Variants in TTC3 observed in about 807,000 individuals in gnomAD.
TTC3 encodes the protein E3 ubiquitin-protein ligase TTC3.
In TTC3, 180 loss-of-function variants were observed where a neutral mutation model predicts 249.6. The ratio of observed to expected loss-of-function variants is 0.72; its 90% CI spans 0.64 to 0.82. TTC3 has a LOEUF of 0.82. Ranked by LOEUF, TTC3 falls within the 40% of genes least tolerant of loss-of-function variation. The pLI, the probability that TTC3 is intolerant of heterozygous loss-of-function variation, is 0.00. For missense variants in TTC3, 2,061 were observed against 2,398.4 expected (o/e 0.86, Z 2.94); for synonymous variants, 717 against 805.0 (o/e 0.89, Z 1.85).
At chr21:37,087,356 G>T in exon 2 of TTC3, 1 of 1,613,986 alleles carries the variant, frequency 6.2e-7, no homozygotes, top group South Asian at 1.1e-5. Context: ...CTGAATTTAT[G>T]AGCAATGATT....
At chr21:37,163,856 A>G (rs895869811) in intron 31 of TTC3, among the ~76,000 whole-genome samples, 195 bp from the exon 32 acceptor site, 7 of 152,238 alleles carry the variant, frequency 4.6e-5, no homozygotes, top group Non-Finnish European at 7.3e-5. Context: ...ATTGTCAGAT[A>G]TGATATTTCT....
chr21:37,148,817 A>G (rs889574818), intron 23 of TTC3, among the ~76,000 whole-genome samples, 170 bp downstream of exon 23: 9 of 152,234 alleles, frequency 5.9e-5, no homozygotes, highest in Non-Finnish European at 1.3e-4. Context: ...TCATAAAGGC[A>G]TTAACCATAG....
intron 1 of TTC3, among the ~76,000 whole-genome samples, chr21:37,074,833 A>G (rs1372245373): frequency 1.3e-5 from 2 of 152,084 alleles, no homozygotes; most frequent in African/African-American, 4.8e-5. Context: ...CAATTTTCTT[A>G]TTGTCTAATT....
chr21:37,165,683 T>A, exon 33 of TTC3: 1 of 1,613,986 alleles, frequency 6.2e-7, no homozygotes, highest in South Asian at 1.1e-5. Context: ...ACCTTTTCTC[T>A]TGGGATGCCC....
chr21:37,134,270 C>A (rs1476523160), intron 17 of TTC3, among the ~76,000 whole-genome samples: 1 of 151,962 alleles, frequency 6.6e-6, no homozygotes, highest in African/African-American at 2.4e-5. Context: ...GCCATCATGG[C>A]GAAACCCCAT....
At chr21:37,159,090 C>G (rs540048250) in intron 28 of TTC3, among the ~76,000 whole-genome samples, 5 of 152,314 alleles carry the variant, frequency 3.3e-5, no homozygotes, top group Admixed American at 2.0e-4. Context: ...GGTCTGGGTT[C>G]ATCATCATCC....
chr21:37,200,090 T>A (rs932896159), intron 44 of TTC3, 142 bp from the exon 45 acceptor site: 2 of 534,424 alleles, frequency 3.7e-6, no homozygotes, highest in Non-Finnish European at 6.4e-6. Flanking sequence ...ATAAGTTGTT[T>A]CCTCAGACTG....
intron 15 of TTC3, among the ~76,000 whole-genome samples, chr21:37,127,499 G>T (rs2077127765): frequency 6.6e-6 from 1 of 152,148 alleles, no homozygotes; most frequent in African/African-American, 2.4e-5. Flanking sequence ...AGAGTTTGAT[G>T]AAAATCCTCT....
intron 35 of TTC3, among the ~76,000 whole-genome samples, chr21:37,175,410 A>G (rs549988309): frequency 2.0e-5 from 3 of 151,856 alleles, no homozygotes; most frequent in African/African-American, 7.2e-5. Context: ...CAGCCTGGTC[A>G]ACATGGTGAA....
At chr21:37,074,576 G>C (rs1313988985) in intron 1 of TTC3, among the ~76,000 whole-genome samples, 2 of 152,190 alleles carry the variant, frequency 1.3e-5, no homozygotes, top group Non-Finnish European at 2.9e-5. Flanking sequence ...ATCCTGGCGA[G>C]GGAAACAAGG....
At chr21:37,189,976 C>CT (rs1157735592) in intron 39 of TTC3, among the ~76,000 whole-genome samples, 1 of 152,036 alleles carries the variant, frequency 6.6e-6, no homozygotes, top group Non-Finnish European at 1.5e-5. Flanking sequence ...TCATTGAGTC[C>CT]TTTTACCATG....
At chr21:37,180,933 A>G (rs528866822) in intron 35 of TTC3, among the ~76,000 whole-genome samples, 3 of 152,288 alleles carry the variant, frequency 2.0e-5, no homozygotes, top group African/African-American at 7.2e-5. Context: ...AATAAAAAAG[A>G]TAAGTTTTTT....
At chr21:37,158,072 T>G (rs1030195858) in intron 28 of TTC3, 3 of 974,686 alleles carry the variant, frequency 3.1e-6, no homozygotes, top group African/African-American at 3.5e-5. Flanking sequence ...AGCTTACTTT[T>G]GACAACAAAA....
At chr21:37,189,120 AT>A (rs2083665142) in intron 39 of TTC3, among the ~76,000 whole-genome samples, 1 of 152,204 alleles carries the variant, frequency 6.6e-6, no homozygotes. Context: ...GGCTTTTAAA[AT>A]TTTTTGCCAA....
At chr21:37,147,586 A>G (rs1283731045) in exon 22 of TTC3, 1 of 1,603,398 alleles carries the variant, frequency 6.2e-7, no homozygotes, top group East Asian at 2.3e-5. Context: ...GATATACATA[A>G]CTGATCCAGA....
chr21:37,175,023 A>G (rs1298103391), intron 35 of TTC3, among the ~76,000 whole-genome samples: 1 of 151,542 alleles, frequency 6.6e-6, no homozygotes, highest in Non-Finnish European at 1.5e-5. Context: ...TGGGAGGCCA[A>G]GGTGGGTGGA....
intron 29 of TTC3, 54 bp from the exon 30 acceptor site, chr21:37,160,748 A>G: frequency 1.3e-6 from 2 of 1,567,584 alleles, no homozygotes; most frequent in Non-Finnish European, 1.8e-6. Flanking sequence ...CTTTATGTTG[A>G]GCTTCATAAT....
chr21:37,090,371 A>G, intron 6 of TTC3, 85 bp downstream of exon 6: 1 of 1,261,148 alleles, frequency 7.9e-7, no homozygotes, highest in Non-Finnish European at 1.1e-6. Context: ...CATTGGGTCC[A>G]TACACTCAAT....
At chr21:37,197,673 C>A in exon 43 of TTC3, 8 of 1,608,448 alleles carry the variant, frequency 5.0e-6, no homozygotes, top group African/African-American at 1.3e-5. Flanking sequence ...AGAACACATT[C>A]TAGATGAACA....
Sources: gnomAD v4.1 joint callset for allele counts (sites outside exome capture counted in the v4.1 genomes callset) on GRCh38, gnomAD v4.1.1 for gene constraint, MANE v1.5 for transcripts, NCBI Gene and HGNC (gene_info 2026-07-23, HGNC 2026-07-21) for gene names.